Variants in CAB39 observed in about 807,000 individuals in gnomAD.
The protein encoded by CAB39 is calcium binding protein 39, also known as calcium-binding protein 39.
Under a neutral mutation model 40.0 loss-of-function variants are expected in CAB39, and 8 were observed. The observed-to-expected ratio is 0.20, with a 90% CI of 0.12 to 0.36. The LOEUF (loss-of-function observed/expected upper bound fraction) is 0.36. CAB39 is among the 10% of genes least tolerant of loss of function. The probability of loss-of-function intolerance (pLI) is 1.00; values close to 1 mark genes in which losing one functional copy is unlikely to be tolerated. For missense variants in CAB39, 270 were observed against 401.1 expected (o/e 0.67, Z 2.79); for synonymous variants, 156 against 141.6 (o/e 1.10, Z -0.72).
chr2:230,761,252 A>G (rs965171753), intron 2 of CAB39, among the ~76,000 whole-genome samples: 7 of 152,232 alleles, frequency 4.6e-5, no homozygotes, highest in Non-Finnish European at 8.8e-5. Flanking sequence ...AAAGGCAAAG[A>G]TGTTGCTATC....
chr2:230,772,964 CAG>C (rs778226132), intron 2 of CAB39, among the ~76,000 whole-genome samples: 79 of 117,792 alleles, frequency 6.7e-4, no homozygotes, highest in Admixed American at 1.4e-3. Context: ...ATCCATGTAA[CAG>C]AGTACTACTC....
intron 2 of CAB39, among the ~76,000 whole-genome samples, chr2:230,774,910 T>A (rs1439620989): frequency 1.3e-5 from 2 of 152,216 alleles, no homozygotes; most frequent in Non-Finnish European, 2.9e-5. Context: ...CTGGAATTAA[T>A]GTGATAATAG....
intron 2 of CAB39, among the ~76,000 whole-genome samples, chr2:230,762,356 C>T (rs1012329565): frequency 6.6e-6 from 1 of 152,222 alleles, no homozygotes; most frequent in Non-Finnish European, 1.5e-5. Context: ...ACCACATTAA[C>T]ATCTACTAAC....
intron 1 of CAB39, among the ~76,000 whole-genome samples, chr2:230,715,802 A>G (rs1694338771): frequency 6.6e-6 from 1 of 152,158 alleles, no homozygotes; most frequent in East Asian, 1.9e-4. Flanking sequence ...TCCTGGGCTC[A>G]AGCCATCCTC....
intron 1 of CAB39, among the ~76,000 whole-genome samples, chr2:230,751,482 CT>C (rs1479425111): frequency 6.6e-6 from 1 of 152,140 alleles, no homozygotes; most frequent in East Asian, 1.9e-4. Flanking sequence ...CTTTTGAGTT[CT>C]TTTCAGTATT....
chr2:230,813,902 G>A lies in CAB39; in HGVS notation c.628-147G>A, dbSNP rs1278036087. 3 of 545,576 alleles carry A rather than the reference G, an allele frequency of 5.5e-6. No homozygotes were observed. In the African/African-American group the frequency reaches 5.9e-5, roughly 11 times the overall value. The allele number at this position is 545,576 out of a possible 1,614,324, so 33.8% of individuals were successfully genotyped here. ...AGGAAGACATGAAAGAGAGTGGCAG[G>A]GGAGCCAGGGCAGCTGTTGGCCTTC... On this transcript the variant is annotated intron_variant, in intron 6 of 8. Coordinates refer to ENST00000258418, the MANE Select transcript of CAB39 (RefSeq NM_016289.4).
chr2:230,800,603 A>G (rs138644217), intron 5 of CAB39, among the ~76,000 whole-genome samples: 211 of 152,300 alleles, frequency 1.4e-3, no homozygotes, highest in African/African-American at 4.8e-3. Context: ...TAGCAGCACC[A>G]TGTGTCAAAG....
rs1696461616 is a variant in CAB39 at position 230,819,203 on chromosome 2, T to A, written c.*499T>A. 6.6e-6 allele frequency: 1 copy of A among 152,360 alleles called. No homozygotes were observed. Among genetic ancestry groups the A allele is most frequent in the African/African-American group, 2.4e-5 (1 of 41,450 alleles). The allele number at this position is 152,360 out of a possible 1,614,324, so 9.4% of individuals were successfully genotyped here. On this transcript the variant is annotated 3_prime_UTR_variant, in exon 9 of 9. Coordinates refer to ENST00000258418, the MANE Select transcript of CAB39 (RefSeq NM_016289.4). ...AGGGGAGCTATCCAAAATGGGAGTT[T>A]GGGGGCAGCTAAAGTTGACATGCGA...
In CAB39 at chr2:230,820,001, A is replaced by G. The variant is rs1013034620; in HGVS notation, c.*1297A>G. ...TCATAGGTGTCCTATGGGGAAATTT[A>G]TTTTTTTTAATGTCCTGTTCCTTAA... On this transcript the variant is annotated 3_prime_UTR_variant, in exon 9 of 9. Coordinates refer to ENST00000258418, the MANE Select transcript of CAB39 (RefSeq NM_016289.4). The G allele has an allele frequency of 4.6e-5, 7 of 152,480 alleles. No homozygotes were observed. Among genetic ancestry groups the G allele is most frequent in the African/African-American group, 1.7e-4 (7 of 41,390 alleles). The allele number at this position is 152,480 out of a possible 1,614,324, so 9.4% of individuals were successfully genotyped here.
intron 3 of CAB39, 66 bp downstream of exon 3, chr2:230,791,102 C>G (rs1396787808): frequency 1.1e-5 from 13 of 1,188,152 alleles, no homozygotes; most frequent in African/African-American, 7.8e-5. Flanking sequence ...CATACGTTCT[C>G]TCTTTTGGAA....
At chr2:230,752,202 C>T (rs1386613273) in intron 1 of CAB39, 1 of 151,470 alleles carries the variant, frequency 6.6e-6, no homozygotes, top group Non-Finnish European at 1.5e-5. Flanking sequence ...AAGCATGGCC[C>T]CTGCACAAGG....
intron 5 of CAB39, among the ~76,000 whole-genome samples, chr2:230,802,981 A>G (rs192162217): frequency 1.4e-4 from 22 of 152,242 alleles, no homozygotes; most frequent in Non-Finnish European, 2.6e-4. Flanking sequence ...AATATCCCTG[A>G]TGAACATCAA....
chr2:230,793,636 AAGT>A (rs1695928001), intron 4 of CAB39, among the ~76,000 whole-genome samples: 1 of 152,232 alleles, frequency 6.6e-6, no homozygotes, highest in East Asian at 1.9e-4. Context: ...GGATTTAAAA[AAGT>A]TGAATTTCAT....
At chr2:230,763,920 G>A (rs1478728706) in intron 2 of CAB39, among the ~76,000 whole-genome samples, 1 of 152,086 alleles carries the variant, frequency 6.6e-6, no homozygotes, top group African/African-American at 2.4e-5. Flanking sequence ...TCAGGAGTTC[G>A]AGACTAGCAT....
At chr2:230,784,085 T>C (rs1695745391) in intron 2 of CAB39, among the ~76,000 whole-genome samples, 2 of 152,144 alleles carry the variant, frequency 1.3e-5, no homozygotes, top group South Asian at 4.1e-4. Flanking sequence ...GCAAGAGTTA[T>C]GGGAACTTTG....
At chr2:230,817,994 C>G (rs1696433509) in intron 8 of CAB39, 97 bp downstream of exon 8, 1 of 1,083,212 alleles carries the variant, frequency 9.2e-7, no homozygotes, top group African/African-American at 1.6e-5. Flanking sequence ...TCTGGTAATC[C>G]AGGTGACTTA....
intron 5 of CAB39, among the ~76,000 whole-genome samples, chr2:230,801,027 A>G (rs1200527409): frequency 6.6e-6 from 1 of 152,106 alleles, no homozygotes; most frequent in East Asian, 1.9e-4. Context: ...TTCATAAAAC[A>G]AGGTAGTGTC....
At chr2:230,814,989 C>G (rs1696375015) in intron 7 of CAB39, among the ~76,000 whole-genome samples, 2 of 152,332 alleles carry the variant, frequency 1.3e-5, no homozygotes, top group Admixed American at 6.5e-5. Flanking sequence ...TCATGGGTGT[C>G]TGGACCGATA....
intron 1 of CAB39, among the ~76,000 whole-genome samples, chr2:230,732,304 A>G (rs1342046168): frequency 2.6e-5 from 4 of 151,850 alleles, no homozygotes; most frequent in African/African-American, 9.7e-5. Flanking sequence ...GGATGGTCTC[A>G]ATCTCCTGAC....
Sources: gnomAD v4.1 joint callset for allele counts (sites outside exome capture counted in the v4.1 genomes callset) on GRCh38, gnomAD v4.1.1 for gene constraint, MANE v1.5 for transcripts, NCBI Gene and HGNC (gene_info 2026-07-23, HGNC 2026-07-21) for gene names.